The following RIT2 variants were observed in gnomAD, a reference collection of about 807,000 sequenced individuals.
The protein encoded by RIT2 is GTP-binding protein Rit2.
In RIT2, 24 loss-of-function variants were observed where a neutral mutation model predicts 23.7. That is an observed-to-expected ratio of 1.01 (90% CI 0.73 to 1.43). The LOEUF is 1.43. RIT2 is among the 40% of genes most tolerant of loss of function. The pLI is 0.00. For synonymous variants in RIT2, 107 were observed against 91.1 expected (o/e 1.17, Z -0.99); for missense variants, 236 against 266.9 (o/e 0.88, Z 0.81).
chr18:42,845,823 CAATT>C (rs969250484), intron 4 of RIT2, among the ~76,000 whole-genome samples: 8 of 151,476 alleles, frequency 5.3e-5, no homozygotes, highest in African/African-American at 1.7e-4. Context: ...GAAGAAATCA[CAATT>C]AAACTTAAAA....
intron 4 of RIT2, among the ~76,000 whole-genome samples, chr18:42,816,722 A>C (rs933624161): frequency 6.6e-6 from 1 of 152,172 alleles, no homozygotes; most frequent in African/African-American, 2.4e-5. Context: ...TACATCTGAT[A>C]ATTAGTTTTC....
intron 1 of RIT2, among the ~76,000 whole-genome samples, chr18:43,108,647 T>C (rs1344141004): frequency 6.6e-6 from 1 of 152,166 alleles, no homozygotes; most frequent in African/African-American, 2.4e-5. Context: ...ATCTACAGAG[T>C]GCATATAATC....
At chr18:42,902,142 T>A (rs1022726717) in intron 4 of RIT2, among the ~76,000 whole-genome samples, 3 of 151,864 alleles carry the variant, frequency 2.0e-5, no homozygotes, top group Non-Finnish European at 4.4e-5. Flanking sequence ...AATATAAATA[T>A]CATTCATAAA....
At chr18:42,862,766 G>A (rs1235485710) in intron 4 of RIT2, among the ~76,000 whole-genome samples, 3 of 152,034 alleles carry the variant, frequency 2.0e-5, no homozygotes, top group African/African-American at 4.8e-5. Flanking sequence ...AATACGTGTT[G>A]GTTAACATTA....
At chr18:42,814,259 C>T (rs1025051355) in intron 4 of RIT2, among the ~76,000 whole-genome samples, 6 of 152,146 alleles carry the variant, frequency 3.9e-5, no homozygotes, top group African/African-American at 1.4e-4. Flanking sequence ...GTGCAGACTC[C>T]ACAGGCAGGG....
At chr18:42,932,170 G>A (rs671164) in intron 3 of RIT2, among the ~76,000 whole-genome samples, 27,094 of 152,040 alleles carry the variant, frequency 0.18, 3,028 homozygotes, top group East Asian at 0.34. Flanking sequence ...CATTGGAGCA[G>A]ATGTTTGTCC....
chr18:43,017,374 T>C (rs1911499213), intron 2 of RIT2, among the ~76,000 whole-genome samples: 1 of 151,954 alleles, frequency 6.6e-6, no homozygotes, highest in Admixed American at 6.6e-5. Context: ...TAATAAAAGA[T>C]ATCTTTAAAA....
At chr18:42,761,411 T>C (rs111471773) in intron 4 of RIT2, among the ~76,000 whole-genome samples, 4 of 152,334 alleles carry the variant, frequency 2.6e-5, no homozygotes, top group African/African-American at 9.6e-5. Context: ...ACAAGTAACA[T>C]TTTTCTTATT....
At chr18:43,045,261 G>A (rs1199866896) in intron 1 of RIT2, among the ~76,000 whole-genome samples, 1 of 152,128 alleles carries the variant, frequency 6.6e-6, no homozygotes, top group Non-Finnish European at 1.5e-5. Flanking sequence ...TGAATGGGTG[G>A]TAGTAACTAC....
intron 2 of RIT2, among the ~76,000 whole-genome samples, chr18:42,993,805 C>T (rs1017942809): frequency 6.6e-6 from 1 of 152,028 alleles, no homozygotes; most frequent in Non-Finnish European, 1.5e-5. Flanking sequence ...CCTTGGCGAT[C>T]GATCATGCAC....
chr18:43,081,840 C>A (rs1913164588), intron 1 of RIT2, among the ~76,000 whole-genome samples: 1 of 152,068 alleles, frequency 6.6e-6, no homozygotes, highest in Non-Finnish European at 1.5e-5. Flanking sequence ...CATTCCTTGT[C>A]ATGCTATTTA....
chr18:42,778,227 T>C (rs899576504), intron 4 of RIT2, among the ~76,000 whole-genome samples: 3 of 152,190 alleles, frequency 2.0e-5, no homozygotes, highest in African/African-American at 7.2e-5. Flanking sequence ...AGGAATTACA[T>C]GCTCATTTCC....
chr18:42,977,447 A>G (rs1308054129), intron 2 of RIT2, among the ~76,000 whole-genome samples: 4 of 152,080 alleles, frequency 2.6e-5, no homozygotes, highest in Non-Finnish European at 5.9e-5. Flanking sequence ...ATAATTATTC[A>G]TACTGTTGAT....
chr18:42,904,001 C>T (rs761792920), intron 4 of RIT2, among the ~76,000 whole-genome samples: 1 of 151,664 alleles, frequency 6.6e-6, no homozygotes, highest in Non-Finnish European at 1.5e-5. Context: ...GGATATTTGC[C>T]CTACAAAATA....
At chr18:42,807,059 T>G (rs1163451573) in intron 4 of RIT2, among the ~76,000 whole-genome samples, 1 of 152,212 alleles carries the variant, frequency 6.6e-6, no homozygotes, top group African/African-American at 2.4e-5. Flanking sequence ...TGTTCATATT[T>G]TCTTTCTTTC....
At chr18:42,769,483 C>T (rs1913498646) in intron 4 of RIT2, among the ~76,000 whole-genome samples, 1 of 151,996 alleles carries the variant, frequency 6.6e-6, no homozygotes, top group African/African-American at 2.4e-5. Context: ...TTTTAAATGG[C>T]CAGGTTCAAT....
chr18:42,851,382 T>C (rs1252676170), intron 4 of RIT2, among the ~76,000 whole-genome samples: 1 of 152,090 alleles, frequency 6.6e-6, no homozygotes, highest in Non-Finnish European at 1.5e-5. Flanking sequence ...CATCTAGAGA[T>C]ATGTGTTTGG....
intron 1 of RIT2, among the ~76,000 whole-genome samples, chr18:43,057,815 T>TA (rs1220939081): frequency 2.0e-5 from 3 of 150,430 alleles, no homozygotes; most frequent in Non-Finnish European, 4.4e-5. Context: ...TTTTTTTTTT[T>TA]ATCATCTAAG....
rs915609365 is a variant in RIT2, at chr18:43,012,451, G to A, written c.160+21360C>T. On this transcript the variant is annotated intron_variant, in intron 2 of 4. Coordinates refer to ENST00000326695, the MANE Select transcript of RIT2 (RefSeq NM_002930.4). ...ACATAGTAGAGATCATTTATTCTGC[G>A]GGATTTGTATATTATACTTCTGAGG... Among the ~76,000 whole-genome samples the A allele has an allele frequency of 1.1e-4, 17 of 151,700 alleles. No homozygotes were observed. The East Asian group carries it at 1.6e-3, about 14-fold the overall frequency.
Sources: gnomAD v4.1 joint callset for allele counts (sites outside exome capture counted in the v4.1 genomes callset) on GRCh38, gnomAD v4.1.1 for gene constraint, MANE v1.5 for transcripts, NCBI Gene and HGNC (gene_info 2026-07-23, HGNC 2026-07-21) for gene names.